MPDZ: variants seen among roughly 807,000 people sequenced by gnomAD.
The protein encoded by MPDZ is multiple PDZ domain protein.
Under a neutral mutation model 239.1 loss-of-function variants are expected in MPDZ, and 234 were observed. That is an observed-to-expected ratio of 0.98 (90% CI 0.88 to 1.09). The LOEUF is 1.09. MPDZ is among the 50% of genes least tolerant of loss of function. The pLI, the probability that MPDZ is intolerant of heterozygous loss-of-function variation, is 0.00. For missense variants in MPDZ, 3,175 were observed against 2,510.0 expected (o/e 1.26, Z -5.66); for synonymous variants, 1,048 against 881.3 (o/e 1.19, Z -3.35).
chr9:13,127,758 T>C (rs1945337090), intron 32 of MPDZ, among the ~76,000 whole-genome samples: 1 of 152,102 alleles, frequency 6.6e-6, no homozygotes, highest in Non-Finnish European at 1.5e-5. Context: ...CTCTACCACC[T>C]CTCTCTTTCC....
At chr9:13,226,756 C>T (rs2136497262) in intron 3 of MPDZ, among the ~76,000 whole-genome samples, 1 of 152,226 alleles carries the variant, frequency 6.6e-6, no homozygotes, top group Non-Finnish European at 1.5e-5. Context: ...TGCAAAAACT[C>T]TCCAGTGGAA....
At position 13,140,085 on chromosome 9, in the gene MPDZ, G is replaced by A. The variant is rs1254521120; in HGVS notation, c.3905C>T (p.Pro1302Leu). The change falls in exon 28 of 47, where the codon CCT becomes CTT. Residue 1302 changes from proline to leucine, a missense_variant. Physicochemically the swap from Pro to Leu is moderately conservative, Grantham distance 98 (BLOSUM62 -3). Transcript: ENST00000319217. ...ACTACCCATTTCGGCAAAGGCTGAA[G>A]GAGGGGGTGGGGGCACACTGCACAA... ...APLCSVPPPPPSAFAEMGSDH... is the reference protein window; with the variant it reads ...APLCSVPPPPLSAFAEMGSDH... The A allele has an allele frequency of 2.5e-6, 4 of 1,613,402 alleles. No individual in the cohort carries two copies. The South Asian group carries it at 4.4e-5, about 18-fold the overall frequency.
intron 40 of MPDZ, among the ~76,000 whole-genome samples, chr9:13,114,956 G>C (rs948943897): frequency 6.6e-6 from 1 of 151,990 alleles, no homozygotes; most frequent in African/African-American, 2.4e-5. Flanking sequence ...TGTTATCTTG[G>C]TAGGCTTTAC....
intron 26 of MPDZ, among the ~76,000 whole-genome samples, chr9:13,146,179 A>T (rs1329363809): frequency 6.6e-6 from 1 of 152,096 alleles, no homozygotes; most frequent in Non-Finnish European, 1.5e-5. Flanking sequence ...AAAATTGCAG[A>T]TGTTGAAGTG....
At chr9:13,139,137 T>A (rs1379540567) in intron 28 of MPDZ, among the ~76,000 whole-genome samples, 1 of 152,214 alleles carries the variant, frequency 6.6e-6, no homozygotes, top group Non-Finnish European at 1.5e-5. Flanking sequence ...ATGCCATGCA[T>A]TCTACATTGA....
intron 3 of MPDZ, among the ~76,000 whole-genome samples, chr9:13,244,206 T>C (rs180823337): frequency 6.6e-6 from 1 of 152,212 alleles, no homozygotes; most frequent in African/African-American, 2.4e-5. Flanking sequence ...CCACCTATAC[T>C]GGACTGGAGA....
At chr9:13,186,006 C>A (rs185912584) in intron 18 of MPDZ, among the ~76,000 whole-genome samples, 135 of 152,220 alleles carry the variant, frequency 8.9e-4, no homozygotes, top group South Asian at 5.4e-3. Context: ...AAATGCTCCA[C>A]AAACTTTAGA....
intron 22 of MPDZ, among the ~76,000 whole-genome samples, chr9:13,165,100 C>T (rs1950913230): frequency 6.6e-6 from 1 of 152,098 alleles, no homozygotes; most frequent in Non-Finnish European, 1.5e-5. Context: ...GGATCGTTCC[C>T]TTACAAAGGA....
chr9:13,115,744 G>A (rs1466358279), intron 39 of MPDZ, among the ~76,000 whole-genome samples: 2 of 152,040 alleles, frequency 1.3e-5, no homozygotes, highest in African/African-American at 4.8e-5. Context: ...AGGAGATCAA[G>A]ACCATCCTGG....
intron 3 of MPDZ, among the ~76,000 whole-genome samples, chr9:13,246,813 T>C (rs1966688349): frequency 1.3e-5 from 2 of 152,182 alleles, no homozygotes; most frequent in Admixed American, 1.3e-4. Flanking sequence ...TCTATAACCA[T>C]TAAATTAATG....
Position 13,136,120 on chromosome 9 carries a change from G to C in MPDZ, c.4355C>G (p.Ser1452Cys). The C allele has an allele frequency of 6.2e-7, 1 of 1,612,252 alleles. No individual in the cohort carries two copies. Among genetic ancestry groups the C allele is most frequent in the Non-Finnish European group, 8.5e-7 (1 of 1,178,930 alleles). Residue 1452 changes from serine to cysteine, a missense_variant, in exon 31 of 47, where the codon TCT (serine) becomes TGT (cysteine). Transcript: ENST00000319217. ...CTTATTTTGAAGATTTTCTGAGTTA[G>C]AAGGCAAAGGTTCTACTGCATTTCC... Reference protein sequence around the residue: ...CPGNAVEPLPSNSENLQNKET... With the variant: ...CPGNAVEPLPCNSENLQNKET...
chr9:13,239,011 A>G (rs1462184004), intron 3 of MPDZ, among the ~76,000 whole-genome samples: 2 of 152,318 alleles, frequency 1.3e-5, no homozygotes, highest in Admixed American at 6.5e-5. Context: ...CATATGAACA[A>G]AAGATTTTTG....
intron 23 of MPDZ, among the ~76,000 whole-genome samples, chr9:13,159,828 G>C (rs1210257855): frequency 6.6e-6 from 1 of 152,016 alleles, no homozygotes; most frequent in Non-Finnish European, 1.5e-5. Context: ...TCCTCTATAG[G>C]TGCTGATTAT....
chr9:13,157,658 G>A (rs887823491), intron 24 of MPDZ, among the ~76,000 whole-genome samples: 1 of 151,794 alleles, frequency 6.6e-6, no homozygotes, highest in Non-Finnish European at 1.5e-5. Context: ...CACACGTTCT[G>A]AATATATATG....
chr9:13,206,826 G>T (rs984329909), intron 10 of MPDZ, among the ~76,000 whole-genome samples: 35 of 152,122 alleles, frequency 2.3e-4, no homozygotes, highest in Non-Finnish European at 1.5e-5. Context: ...ACAGGCGTGA[G>T]CCACTGCACC....
chr9:13,245,399 C>A (rs1460238472), intron 3 of MPDZ, among the ~76,000 whole-genome samples: 5 of 146,522 alleles, frequency 3.4e-5, no homozygotes, highest in African/African-American at 1.2e-4. Flanking sequence ...TAGGGTTCAA[C>A]TTTCTACCTT....
Position 13,216,962 on chromosome 9 carries a change from A to G in MPDZ, c.1202-100T>C, listed in dbSNP as rs1484941886. The G allele has an allele frequency of 3.2e-6, 3 of 923,490 alleles. No individual in the cohort carries two copies. The African/African-American group carries it at 5.0e-5, about 15-fold the overall frequency. 57.2% of individuals were successfully genotyped at this position (923,490 alleles called of 1,614,324 possible). A position where few individuals can be genotyped will look rare whatever the true frequency, so the allele number is the denominator to read the frequency against. The stretch of plus-strand genomic sequence containing the variant: ...TATAAAGCTCTAATTCAGAATAAAT[A>G]CGTATCATCTAGTAGAAACACAGGC... On this transcript the variant is annotated intron_variant, in intron 9 of 46. Transcript: ENST00000319217.
chr9:13,189,988 T>A (rs773358855), intron 16 of MPDZ, 126 bp downstream of exon 16: 1 of 769,538 alleles, frequency 1.3e-6, no homozygotes. Context: ...ATCCTATAAA[T>A]CACTATTTTG....
At chr9:13,139,130 C>G (rs747597762) in intron 28 of MPDZ, among the ~76,000 whole-genome samples, 1 of 152,170 alleles carries the variant, frequency 6.6e-6, no homozygotes, top group Non-Finnish European at 1.5e-5. Flanking sequence ...TGGGCCAATG[C>G]CATGCATTCT....
Sources: allele counts gnomAD v4.1 joint callset (sites outside exome capture counted in the v4.1 genomes callset), GRCh38; gene constraint gnomAD v4.1.1; transcripts MANE v1.5; gene names NCBI Gene and HGNC (gene_info 2026-07-23, HGNC 2026-07-21).